The following TSEN2 variants were observed in gnomAD, a reference collection of about 807,000 sequenced individuals.
TSEN2 encodes the protein tRNA splicing endonuclease subunit 2, also known as tRNA-splicing endonuclease subunit Sen2.
TSEN2 carries 54 observed loss-of-function variants against 59.2 expected under a neutral mutation model. That is an observed-to-expected ratio of 0.91 (90% CI 0.73 to 1.14). TSEN2 has a LOEUF of 1.14. TSEN2 is among the 50% of genes most tolerant of loss of function. The pLI is 0.00. For synonymous variants in TSEN2, 195 were observed against 198.2 expected (o/e 0.98, Z 0.14); for missense variants, 636 against 576.2 (o/e 1.10, Z -1.06).
chr3:12,513,504 T>C (rs1317851561), intron 6 of TSEN2, among the ~76,000 whole-genome samples: 2 of 152,342 alleles, frequency 1.3e-5, no homozygotes. Context: ...TTTGATCTTA[T>C]TAAATATTTA....
At chr3:12,510,703 G>C (rs1325642021) in intron 6 of TSEN2, among the ~76,000 whole-genome samples, 1 of 151,976 alleles carries the variant, frequency 6.6e-6, no homozygotes, top group East Asian at 1.9e-4. Flanking sequence ...ATCAGAATCT[G>C]GTGATTAGAA....
Position 12,505,217 on chromosome 3 carries a change from C to T in TSEN2, c.895C>T (p.Leu299Phe), listed in dbSNP as rs1486257928. The T allele has an allele frequency of 1.9e-6, 3 of 1,609,682 alleles. No homozygotes were observed. The highest frequency in any genetic ancestry group is 2.6e-6 in the Non-Finnish European group (3 of 1,176,108). ...ATATAGGATCTTTGAGTATTTGCAA[C>T]TCAGCCTAGAAGAGGTATGTTTTCA... ...NPYRIFEYLQLSLEEAFFLVY... is the reference protein window; with the variant it reads ...NPYRIFEYLQFSLEEAFFLVY... The change falls in exon 6 of 12, where the codon CTC (leucine) becomes TTC (phenylalanine). Residue 299 changes from leucine to phenylalanine, a missense_variant. Physicochemically the swap from Leu to Phe is conservative, Grantham distance 22 (BLOSUM62 0). Transcript: ENST00000284995.
chr3:12,523,618 C>T (rs1251292349), intron 8 of TSEN2, among the ~76,000 whole-genome samples: 1 of 142,776 alleles, frequency 7.0e-6, no homozygotes, highest in Non-Finnish European at 1.5e-5. Context: ...CGGCTCACTA[C>T]AACCTCTGCC....
chr3:12,499,596 T>G (rs1377817745), intron 4 of TSEN2, among the ~76,000 whole-genome samples: 1 of 152,158 alleles, frequency 6.6e-6, no homozygotes, highest in Non-Finnish European at 1.5e-5. Context: ...TGTTTCTGTT[T>G]CGTAGATGGG....
intron 8 of TSEN2, among the ~76,000 whole-genome samples, chr3:12,526,266 T>A (rs867875511): frequency 6.6e-6 from 1 of 152,170 alleles, no homozygotes; most frequent in African/African-American, 2.4e-5. Flanking sequence ...GAACTTCGCA[T>A]TCACTCACGA....
At chr3:12,519,702 C>T (rs2056463102) in intron 8 of TSEN2, among the ~76,000 whole-genome samples, 2 of 151,996 alleles carry the variant, frequency 1.3e-5, no homozygotes, top group African/African-American at 4.8e-5. Flanking sequence ...GCCGAGATCG[C>T]GCCATTGCAC....
At chr3:12,528,758 A>G (rs891861775) in intron 8 of TSEN2, 130 bp from the exon 9 acceptor site, 7 of 898,296 alleles carry the variant, frequency 7.8e-6, no homozygotes, top group Non-Finnish European at 1.2e-5. Flanking sequence ...TGATCTGTCT[A>G]CATATAGATT....
At chr3:12,525,928 GC>G (rs772287452) in intron 8 of TSEN2, among the ~76,000 whole-genome samples, 20 of 152,096 alleles carry the variant, frequency 1.3e-4, no homozygotes, top group Non-Finnish European at 2.8e-4. Context: ...CAGCATGATG[GC>G]TACGATGTCA....
chr3:12,489,196 C>T (rs1277047334), intron 1 of TSEN2, among the ~76,000 whole-genome samples: 1 of 152,154 alleles, frequency 6.6e-6, no homozygotes, highest in Non-Finnish European at 1.5e-5. Context: ...AAGCCAGTAG[C>T]ATTTGGTAGT....
intron 6 of TSEN2, among the ~76,000 whole-genome samples, chr3:12,508,211 T>C (rs2055046460): frequency 6.6e-6 from 1 of 152,148 alleles, no homozygotes; most frequent in East Asian, 1.9e-4. Flanking sequence ...TGCTGTCTTT[T>C]ATTGACAAAT....
chr3:12,518,748 T>C (rs2056370530), intron 7 of TSEN2, among the ~76,000 whole-genome samples: 1 of 151,590 alleles, frequency 6.6e-6, no homozygotes, highest in African/African-American at 2.4e-5. Flanking sequence ...GTGTATATTT[T>C]ACACTTAGAG....
chr3:12,505,184 A>G lies in TSEN2; in HGVS notation c.862A>G (p.Arg288Gly). Residue 288 changes from arginine (R) to glycine (G), a missense_variant, in exon 6 of 12, where the codon AGA becomes GGA. Arg to Gly is a moderately radical substitution (Grantham distance 125). Coordinates refer to ENST00000284995, the MANE Select transcript of TSEN2 (RefSeq NM_025265.4). Reference sequence around the variant, plus strand: ...GCAAAGAAACAGGTTAATATGCAGAAGAAATCCATATAGGATCTTTGAGTA... The same window carrying G: ...GCAAAGAAACAGGTTAATATGCAGAGGAAATCCATATAGGATCTTTGAGTA... ...LVQRNRLICR[R>G]NPYRIFEYLQ... 11 of 1,612,046 alleles carry G rather than the reference A, an allele frequency of 6.8e-6. No individual in the cohort carries two copies. The highest frequency in any genetic ancestry group is 9.3e-6 in the Non-Finnish European group (11 of 1,178,102).
At chr3:12,530,895 T>C (rs900959246) in intron 10 of TSEN2, 1 of 291,374 alleles carries the variant, frequency 3.4e-6, no homozygotes, top group African/African-American at 2.3e-5. Context: ...GCTGTACATC[T>C]GTATTAGTCC....
chr3:12,523,523 A>AGTCTTTTTATTTTTTTTTTTTTTTTT (rs2056815686), intron 8 of TSEN2, among the ~76,000 whole-genome samples: 1 of 51,028 alleles, frequency 2.0e-5, no homozygotes, highest in Admixed American at 1.8e-4. Flanking sequence ...TTCCTCTTTG[A>AGTCTTTTTATTTTTTTTTTTTTTTTT]TTCTTTTTTT....
intron 6 of TSEN2, among the ~76,000 whole-genome samples, chr3:12,513,314 A>G (rs1207536530): frequency 6.6e-6 from 1 of 152,186 alleles, no homozygotes; most frequent in Non-Finnish European, 1.5e-5. Context: ...AGGCTGTGCT[A>G]TCCAGTTATT....
chr3:12,521,865 G>A (rs1055296608), intron 8 of TSEN2, among the ~76,000 whole-genome samples: 7 of 152,014 alleles, frequency 4.6e-5, no homozygotes, highest in African/African-American at 1.7e-4. Flanking sequence ...CAAAAAATTA[G>A]CCAGACGTGG....
downstream of TSEN2, among the ~76,000 whole-genome samples, chr3:12,534,509 G>A (rs2125272108): frequency 6.6e-6 from 1 of 152,210 alleles, no homozygotes; most frequent in African/African-American, 2.4e-5. Context: ...ACCTAATCGT[G>A]TGGTTGTGTG....
At chr3:12,492,285 C>A (rs2053293783) in intron 3 of TSEN2, 68 bp downstream of exon 3, 4 of 1,376,138 alleles carry the variant, frequency 2.9e-6, no homozygotes, top group Non-Finnish European at 4.1e-6. Context: ...GATCTTATAT[C>A]TCAGGCTATA....
downstream of TSEN2, among the ~76,000 whole-genome samples, chr3:12,538,329 A>C (rs1259868606): frequency 2.6e-5 from 4 of 152,220 alleles, no homozygotes; most frequent in Non-Finnish European, 5.9e-5. Flanking sequence ...GAGGGTGTGA[A>C]GGGAGGCTTT....
Sources: gnomAD v4.1 joint callset for allele counts (sites outside exome capture counted in the v4.1 genomes callset) on GRCh38, gnomAD v4.1.1 for gene constraint, MANE v1.5 for transcripts, NCBI Gene and HGNC (gene_info 2026-07-23, HGNC 2026-07-21) for gene names.